The following ELMOD1 variants were observed in gnomAD, a reference collection of about 807,000 sequenced individuals.
The protein encoded by ELMOD1 is ELMO domain containing 1.
A neutral mutation model predicts 46.7 loss-of-function variants in ELMOD1; 21 were observed. The ratio of observed to expected loss-of-function variants is 0.45; its 90% CI spans 0.32 to 0.65. ELMOD1 has a LOEUF of 0.65. Among genes scored for constraint, ELMOD1 ranks in the 30% least tolerant of loss-of-function variants. ELMOD1 has a pLI of 0.04. For missense variants in ELMOD1, 348 were observed against 407.8 expected (o/e 0.85, Z 1.26); for synonymous variants, 122 against 138.2 (o/e 0.88, Z 0.82).
intron 4 of ELMOD1, 60 bp from the exon 5 acceptor site, chr11:107,631,520 A>C: frequency 9.7e-7 from 1 of 1,030,788 alleles, no homozygotes; most frequent in Non-Finnish European, 1.4e-6. Context: ...CTATCCCAGT[A>C]GATACTGATT....
At chr11:107,595,746 A>T (rs1161080733) in intron 1 of ELMOD1, among the ~76,000 whole-genome samples, 1 of 152,124 alleles carries the variant, frequency 6.6e-6, no homozygotes, top group African/African-American at 2.4e-5. Flanking sequence ...GTCATATTTT[A>T]TATCAGTTTC....
At chr11:107,635,573 A>G (rs1866214688) in intron 5 of ELMOD1, 63 bp from the exon 6 acceptor site, 2 of 1,551,700 alleles carry the variant, frequency 1.3e-6, no homozygotes, top group Non-Finnish European at 8.7e-7. Context: ...CATCAAGTGA[A>G]CAAATGCCAA....
At chr11:107,626,829 A>C (rs1238207993) in intron 2 of ELMOD1, among the ~76,000 whole-genome samples, 1 of 152,104 alleles carries the variant, frequency 6.6e-6, no homozygotes, top group Non-Finnish European at 1.5e-5. Flanking sequence ...TTTTTTCCAT[A>C]AACTTTGTGA....
At chr11:107,622,003 G>GT (rs1865958081) in intron 2 of ELMOD1, among the ~76,000 whole-genome samples, 1 of 152,160 alleles carries the variant, frequency 6.6e-6, no homozygotes, top group African/African-American at 2.4e-5. Context: ...CTCTAGCCTA[G>GT]GTGACAAGAG....
intron 1 of ELMOD1, among the ~76,000 whole-genome samples, chr11:107,599,752 G>GAAAA (rs796354841): frequency 3.6e-5 from 2 of 55,330 alleles, no homozygotes; most frequent in African/African-American, 1.6e-4. Context: ...AAAAAAAAAA[G>GAAAA]AAAAAAAGAA....
intron 2 of ELMOD1, among the ~76,000 whole-genome samples, chr11:107,619,695 A>G (rs1412810214): frequency 6.6e-6 from 1 of 152,224 alleles, no homozygotes; most frequent in Non-Finnish European, 1.5e-5. Flanking sequence ...TGTTAAACTG[A>G]ATAGGTGCAC....
At chr11:107,628,348 G>T (rs555149278) in intron 2 of ELMOD1, among the ~76,000 whole-genome samples, 45 of 152,168 alleles carry the variant, frequency 3.0e-4, no homozygotes, top group African/African-American at 9.2e-4. Flanking sequence ...TGTATTTTTA[G>T]TAGAGATGGG....
chr11:107,635,776 G>T lies in ELMOD1; in HGVS notation c.420+11G>T. On this transcript the variant is annotated intron_variant, in intron 6 of 11. Coordinates refer to ENST00000265840, the MANE Select transcript of ELMOD1 (RefSeq NM_018712.4). ...GAAATGCTTTTGAAGGTTAGTGCTTGAACACATTTCGGTTCTTCCTCTAAG... is the reference window on the plus strand; with the variant it reads ...GAAATGCTTTTGAAGGTTAGTGCTTTAACACATTTCGGTTCTTCCTCTAAG... 6.2e-7 allele frequency: 1 copy of T among 1,610,034 alleles called. No individual in the cohort carries two copies. The highest frequency in any genetic ancestry group is 1.1e-5 in the South Asian group (1 of 90,500).
At chr11:107,650,154 T>A (rs987290608) in intron 7 of ELMOD1, among the ~76,000 whole-genome samples, 181 bp from the exon 8 acceptor site, 2 of 152,228 alleles carry the variant, frequency 1.3e-5, no homozygotes, top group Non-Finnish European at 2.9e-5. Flanking sequence ...CCCTACCATG[T>A]CATTACATTT....
In ELMOD1 at chr11:107,635,902, G is replaced by C. The variant is rs1591124039; in HGVS notation, c.420+137G>C. On this transcript the variant is annotated intron_variant, in intron 6 of 11. Transcript: ENST00000265840. ...CACGGGCACCTAACTGGTTGGTAAG[G>C]TCAAGTTTTCTCGCTGGTTCAGGTG... 6.3e-5 allele frequency: 54 copies of C among 862,350 alleles called. 1 individual carries two copies. In the East Asian group the frequency reaches 1.7e-3, roughly 28 times the overall value. 53.4% of individuals were successfully genotyped at this position (862,350 alleles called of 1,614,324 possible).
At chr11:107,649,513 G>A (rs971204050) in intron 7 of ELMOD1, among the ~76,000 whole-genome samples, 5 of 151,970 alleles carry the variant, frequency 3.3e-5, no homozygotes, top group African/African-American at 9.7e-5. Context: ...ATTTTTAGAC[G>A]CACTGAGCCA....
At chr11:107,641,489 A>G (rs1057064499) in intron 6 of ELMOD1, among the ~76,000 whole-genome samples, 1 of 152,204 alleles carries the variant, frequency 6.6e-6, no homozygotes, top group Non-Finnish European at 1.5e-5. Flanking sequence ...AGCAATTAAT[A>G]CAAATATAAA....
At chr11:107,612,005 T>C (rs952893641) in intron 1 of ELMOD1, among the ~76,000 whole-genome samples, 1 of 152,256 alleles carries the variant, frequency 6.6e-6, no homozygotes, top group East Asian at 1.9e-4. Context: ...GACCCAGCAA[T>C]CCCACTGTTG....
At chr11:107,662,771 A>G (rs1866764595) in intron 11 of ELMOD1, among the ~76,000 whole-genome samples, 1 of 150,612 alleles carries the variant, frequency 6.6e-6, no homozygotes, top group Non-Finnish European at 1.5e-5. Context: ...CCAAAAATAC[A>G]AAAATGAGCC....
chr11:107,644,933 T>C (rs554786874), intron 6 of ELMOD1, among the ~76,000 whole-genome samples: 1 of 149,844 alleles, frequency 6.7e-6, no homozygotes, highest in Admixed American at 6.6e-5. Context: ...TTTGTTTTTG[T>C]TTTTGTTTTT....
chr11:107,616,746 T>C (rs1865870043), intron 1 of ELMOD1, among the ~76,000 whole-genome samples: 1 of 152,210 alleles, frequency 6.6e-6, no homozygotes, highest in South Asian at 2.1e-4. Context: ...TTTCAGTTGA[T>C]TGTTGTGTTT....
intron 10 of ELMOD1, among the ~76,000 whole-genome samples, chr11:107,654,629 C>A (rs1591136722): frequency 6.6e-6 from 1 of 152,100 alleles, no homozygotes; most frequent in East Asian, 1.9e-4. Flanking sequence ...ATTAGCCGGG[C>A]GTGTTGGCGG....
At chr11:107,609,243 A>T (rs1451441610) in intron 1 of ELMOD1, among the ~76,000 whole-genome samples, 1 of 152,246 alleles carries the variant, frequency 6.6e-6, no homozygotes, top group Non-Finnish European at 1.5e-5. Flanking sequence ...CTTAACTTTT[A>T]AAATAAAATT....
In ELMOD1 at chr11:107,636,971, T is replaced by C. The variant is rs184706337; in HGVS notation, c.420+1206T>C. On this transcript the variant is annotated intron_variant, in intron 6 of 11. Coordinates refer to ENST00000265840, the MANE Select transcript of ELMOD1 (RefSeq NM_018712.4). ...GATAGTCACAAGAGCCTGAACAATGTATTAGAATAGCTGAGGTTCCCTCAG... is the reference window on the plus strand; with the variant it reads ...GATAGTCACAAGAGCCTGAACAATGCATTAGAATAGCTGAGGTTCCCTCAG... Among the ~76,000 whole-genome samples, 3 of 152,342 alleles carry C rather than the reference T, an allele frequency of 2.0e-5. No homozygotes were observed. The East Asian group carries it at 5.8e-4, about 29-fold the overall frequency.
Sources: gnomAD v4.1 joint callset for allele counts (sites outside exome capture counted in the v4.1 genomes callset) on GRCh38, gnomAD v4.1.1 for gene constraint, MANE v1.5 for transcripts, NCBI Gene and HGNC (gene_info 2026-07-23, HGNC 2026-07-21) for gene names.